The following MFHAS1 variants were observed in gnomAD, a reference collection of about 807,000 sequenced individuals.
MFHAS1 encodes multifunctional ROCO family signaling regulator 1, also known as malignant fibrous histiocytoma-amplified sequence 1.
MFHAS1 carries 50 observed loss-of-function variants against 70.4 expected under a neutral mutation model. The observed-to-expected ratio is 0.71, with a 90% CI of 0.57 to 0.90. The LOEUF is 0.90. Ranked by LOEUF, MFHAS1 falls within the 40% of genes least tolerant of loss-of-function variation. The probability of loss-of-function intolerance (pLI) is 0.00; values close to 1 mark genes in which losing one functional copy is unlikely to be tolerated. For synonymous variants in MFHAS1, 952 were observed against 620.0 expected (o/e 1.54, Z -7.96); for missense variants, 1,795 against 1,347.6 (o/e 1.33, Z -5.20).
At chr8:8,874,725 G>C (rs975406235) in intron 1 of MFHAS1, among the ~76,000 whole-genome samples, 11 of 151,856 alleles carry the variant, frequency 7.2e-5, no homozygotes, top group African/African-American at 2.4e-4. Context: ...GTTTTTTTAA[G>C]CTCTAGAAGA....
At chr8:8,793,665 C>A (rs916139418) in intron 2 of MFHAS1, among the ~76,000 whole-genome samples, 1 of 152,216 alleles carries the variant, frequency 6.6e-6, no homozygotes, top group Non-Finnish European at 1.5e-5. Flanking sequence ...AGGCTGAGAG[C>A]AGACAGCATG....
rs984081209 is a variant in MFHAS1 at position 8,890,123 on chromosome 8, G to C, written c.2936C>G (p.Thr979Ser). ...LLQEWPGLHY[T>S]VHILCSKCLK... ...GCACTTAGAACAGAGAATGTGCACG[G>C]TGTAGTGCAGTCCAGGCCATTCCTG... The change falls in exon 1 of 3, where the codon ACC (threonine) becomes AGC (serine). Residue 979 changes from threonine to serine, a missense_variant. Coordinates refer to ENST00000276282, the MANE Select transcript of MFHAS1 (RefSeq NM_004225.3). 6.2e-7 allele frequency: 1 copy of C among 1,614,010 alleles called. No individual in the cohort carries two copies. Among genetic ancestry groups the C allele is most frequent in the African/African-American group, 1.3e-5 (1 of 74,936 alleles).
chr8:8,800,879 A>G (rs1218747026), intron 1 of MFHAS1, among the ~76,000 whole-genome samples: 1 of 152,114 alleles, frequency 6.6e-6, no homozygotes, highest in Non-Finnish European at 1.5e-5. Flanking sequence ...CTTCTTGGCT[A>G]GTATGTCACA....
intron 1 of MFHAS1, among the ~76,000 whole-genome samples, chr8:8,810,752 A>G (rs1806515477): frequency 6.6e-6 from 1 of 152,228 alleles, no homozygotes; most frequent in African/African-American, 2.4e-5. Context: ...CAAATGTTAT[A>G]TGTGGATGTG....
intron 1 of MFHAS1, among the ~76,000 whole-genome samples, chr8:8,886,670 C>G (rs987886834): frequency 6.6e-6 from 1 of 152,142 alleles, no homozygotes; most frequent in African/African-American, 2.4e-5. Flanking sequence ...CAGTAATTTA[C>G]TATTTACTTT....
intron 1 of MFHAS1, among the ~76,000 whole-genome samples, chr8:8,849,376 C>T (rs1003755718): frequency 6.6e-6 from 1 of 152,112 alleles, no homozygotes; most frequent in African/African-American, 2.4e-5. Context: ...CCACCGCACC[C>T]AGCCTTGTAG....
At chr8:8,887,858 AC>A (rs1162540557) in intron 1 of MFHAS1, among the ~76,000 whole-genome samples, 8 of 141,770 alleles carry the variant, frequency 5.6e-5, no homozygotes, top group South Asian at 2.2e-4. Flanking sequence ...AGCAAAAAAA[AC>A]AAAAAAAAAA....
chr8:8,824,556 C>CAT (rs1388201382), intron 1 of MFHAS1, among the ~76,000 whole-genome samples: 1 of 148,382 alleles, frequency 6.7e-6, no homozygotes, highest in Non-Finnish European at 1.5e-5. Context: ...CACACACACA[C>CAT]ACACACACAC....
At chr8:8,824,415 T>A (rs923138743) in intron 1 of MFHAS1, among the ~76,000 whole-genome samples, 8 of 151,966 alleles carry the variant, frequency 5.3e-5, no homozygotes, top group Non-Finnish European at 1.2e-4. Context: ...CCAGTCTCCC[T>A]TAAATGGCCT....
rs1482981676 is a variant in MFHAS1 at position 8,892,209 on chromosome 8, G to A, written c.850C>T (p.Leu284Phe). ...AGCGCGGCAGGGAACTCCTCGAAGA[G>A]GTTGGAGGAGAGGTTGAGCATTTTG... ...RLKMLNLSSNLFEEFPAALLP... is the reference protein window; with the variant it reads ...RLKMLNLSSNFFEEFPAALLP... Residue 284 changes from leucine (L) to phenylalanine (F), a missense_variant, in exon 1 of 3, where the codon CTC (leucine) becomes TTC (phenylalanine). Transcript: ENST00000276282. The surrounding 1 kb of genome is among the most constrained non-coding windows in gnomAD (Gnocchi z 4.7). 4 of 1,610,524 alleles carry A rather than the reference G, an allele frequency of 2.5e-6. No individual in the cohort carries two copies. The African/African-American group carries it at 5.3e-5, about 21-fold the overall frequency.
chr8:8,818,111 G>C (rs1563187634), intron 1 of MFHAS1, among the ~76,000 whole-genome samples: 1 of 152,158 alleles, frequency 6.6e-6, no homozygotes, highest in Non-Finnish European at 1.5e-5. Flanking sequence ...TTCTAAGTTA[G>C]GTGGGCTTTG....
chr8:8,831,616 A>ATTTT (rs373603367), intron 1 of MFHAS1, among the ~76,000 whole-genome samples: 2 of 142,790 alleles, frequency 1.4e-5, no homozygotes, highest in African/African-American at 2.6e-5. Context: ...TAAATGGTCA[A>ATTTT]TTTTTTTTTT....
At chr8:8,884,072 AC>A (rs1809651968) in intron 1 of MFHAS1, among the ~76,000 whole-genome samples, 1 of 148,524 alleles carries the variant, frequency 6.7e-6, no homozygotes, top group African/African-American at 2.6e-5. Flanking sequence ...ACACACACAC[AC>A]ACACACACAA....
intron 1 of MFHAS1, among the ~76,000 whole-genome samples, chr8:8,876,202 G>A (rs1034059047): frequency 1.3e-5 from 2 of 152,128 alleles, no homozygotes; most frequent in East Asian, 1.9e-4. Flanking sequence ...AGGGATTAGA[G>A]CCCAGCAGTC....
intron 1 of MFHAS1, among the ~76,000 whole-genome samples, chr8:8,835,138 T>C (rs1319705618): frequency 6.6e-6 from 1 of 152,158 alleles, no homozygotes; most frequent in Non-Finnish European, 1.5e-5. Context: ...GATGAGTGGT[T>C]GTTCGAGGGT....
chr8:8,890,207 T>C lies in MFHAS1; in HGVS notation c.2852A>G (p.Asn951Ser). The part of the protein sequence containing the change: ...LSIASHASLP[N>S]IWTAWQAITP... ...TATGGCTTGCCATGCGGTCCATATATTTGGTAATGATGCATGGCTAGCAAT... is the reference window on the plus strand; with the variant it reads ...TATGGCTTGCCATGCGGTCCATATACTTGGTAATGATGCATGGCTAGCAAT... Residue 951 changes from asparagine (N) to serine (S), a missense_variant, in exon 1 of 3, where the codon AAT (asparagine) becomes AGT (serine). By Grantham distance (46) the Asn-to-Ser change is conservative. Transcript: ENST00000276282. 1 of 1,614,150 alleles carries C rather than the reference T, an allele frequency of 6.2e-7. No homozygotes were observed. Among genetic ancestry groups the C allele is most frequent in the Non-Finnish European group, 8.5e-7 (1 of 1,180,028 alleles).
intron 1 of MFHAS1, among the ~76,000 whole-genome samples, chr8:8,832,060 G>GCACACA (rs1220603806): frequency 1.2e-4 from 18 of 148,806 alleles, no homozygotes; most frequent in African/African-American, 4.0e-4. Flanking sequence ...GCGCGCGCGC[G>GCACACA]CGCACACACA....
chr8:8,840,454 C>G (rs1401174707), intron 1 of MFHAS1, among the ~76,000 whole-genome samples: 1 of 121,934 alleles, frequency 8.2e-6, no homozygotes, highest in Non-Finnish European at 1.6e-5. Flanking sequence ...GAGACTCCAT[C>G]TCAATACAAA....
chr8:8,828,746 C>G (rs535047778), intron 1 of MFHAS1, among the ~76,000 whole-genome samples: 38 of 152,360 alleles, frequency 2.5e-4, no homozygotes, highest in African/African-American at 8.7e-4. Flanking sequence ...CTGTGCAGTC[C>G]TCACGGCGTG....
Sources: gnomAD v4.1 joint callset for allele counts (sites outside exome capture counted in the v4.1 genomes callset) on GRCh38, gnomAD v4.1.1 for gene constraint, Gnocchi (gnomAD v3.1) non-coding constraint, MANE v1.5 for transcripts, NCBI Gene and HGNC (gene_info 2026-07-23, HGNC 2026-07-21) for gene names.